The following RETREG1 variants were observed in gnomAD, a reference collection of about 807,000 sequenced individuals.
The protein encoded by RETREG1 is family with sequence similarity 134 member B.
RETREG1 carries 44 observed loss-of-function variants against 54.8 expected under a neutral mutation model. The observed-to-expected ratio is 0.80, with a 90% confidence interval of 0.63 to 1.03. The LOEUF (loss-of-function observed/expected upper bound fraction) is 1.03. Ranked by LOEUF, RETREG1 falls within the 50% of genes least tolerant of loss-of-function variation. RETREG1 has a pLI of 0.00. For synonymous variants in RETREG1, 217 were observed against 238.5 expected (o/e 0.91, Z 0.83); for missense variants, 554 against 605.1 (o/e 0.92, Z 0.89).
chr5:16,519,135 C>T (rs1740449896), intron 3 of RETREG1, among the ~76,000 whole-genome samples: 1 of 152,116 alleles, frequency 6.6e-6, no homozygotes, highest in Non-Finnish European at 1.5e-5. Context: ...GACAATCTGA[C>T]GAATGATGAC....
chr5:16,615,344 G>A (rs1182098008), intron 1 of RETREG1, among the ~76,000 whole-genome samples: 3 of 146,160 alleles, frequency 2.1e-5, no homozygotes, highest in African/African-American at 5.1e-5. Flanking sequence ...AGCTTGCAGC[G>A]AGCCGAGATC....
At chr5:16,577,413 C>T (rs1046189212) in intron 1 of RETREG1, among the ~76,000 whole-genome samples, 2 of 151,730 alleles carry the variant, frequency 1.3e-5, no homozygotes, top group African/African-American at 2.4e-5. Context: ...ACAGACAATC[C>T]CTGTCTAGTG....
intron 3 of RETREG1, among the ~76,000 whole-genome samples, chr5:16,486,124 TA>T (rs1290841990): frequency 2.6e-5 from 4 of 152,242 alleles, no homozygotes; most frequent in African/African-American, 9.6e-5. Flanking sequence ...TGAATTGTTA[TA>T]ATCACAAACA....
chr5:16,567,201 G>C (rs763355368), intron 2 of RETREG1, among the ~76,000 whole-genome samples: 1 of 152,186 alleles, frequency 6.6e-6, no homozygotes, highest in Non-Finnish European at 1.5e-5. Flanking sequence ...AGTACAAGTG[G>C]CAAGAGACTT....
intron 1 of RETREG1, among the ~76,000 whole-genome samples, chr5:16,599,539 T>C (rs146079949): frequency 1.6e-4 from 24 of 152,240 alleles, no homozygotes; most frequent in Non-Finnish European, 3.1e-4. Context: ...CCCAAAAGTA[T>C]GGGAATCATG....
intron 1 of RETREG1, among the ~76,000 whole-genome samples, chr5:16,583,353 C>T (rs937314816): frequency 3.9e-4 from 59 of 150,848 alleles, no homozygotes; most frequent in African/African-American, 1.4e-3. Context: ...AGTATCAGGG[C>T]GTGGTGGCAT....
Position 16,553,940 on chromosome 5 carries a change from G to T in RETREG1, c.458+11823C>A, listed in dbSNP as rs74431245. Among the ~76,000 whole-genome samples the T allele has an allele frequency of 4.9e-3, 741 of 152,260 alleles. 6 individuals are homozygous for T. The highest frequency in any genetic ancestry group is 0.016 in the African/African-American group (685 of 41,532). ...ATATTCTCTCAGATTCCCTCTTGTT[G>T]TCCAAAGACTACAGTTCGGACCATG... On this transcript the variant is annotated intron_variant, in intron 3 of 8. Transcript: ENST00000306320.
At chr5:16,612,064 C>A (rs78596863) in intron 1 of RETREG1, among the ~76,000 whole-genome samples, 563 of 120,024 alleles carry the variant, frequency 4.7e-3, no homozygotes, top group Middle Eastern at 4.9e-3. Context: ...GACTCCGTCT[C>A]AAAAAAAAAA....
At chr5:16,485,378 T>A (rs1738974407) in intron 3 of RETREG1, among the ~76,000 whole-genome samples, 2 of 152,178 alleles carry the variant, frequency 1.3e-5, no homozygotes, top group African/African-American at 4.8e-5. Flanking sequence ...ATGGAATAAA[T>A]GAACAGTTCA....
intron 3 of RETREG1, among the ~76,000 whole-genome samples, chr5:16,505,723 C>T (rs1394824185): frequency 6.6e-6 from 1 of 152,178 alleles, no homozygotes; most frequent in Non-Finnish European, 1.5e-5. Context: ...CCCTCCCAGG[C>T]CCCGGCTCCA....
At chr5:16,565,733 T>TA in intron 3 of RETREG1, 30 bp downstream of exon 3, 1 of 1,613,716 alleles carries the variant, frequency 6.2e-7, no homozygotes, top group South Asian at 1.1e-5. Flanking sequence ...CTCCCTCCAT[T>TA]AAGCACAACA....
At chr5:16,528,394 C>A (rs1297215163) in intron 3 of RETREG1, among the ~76,000 whole-genome samples, 2 of 152,234 alleles carry the variant, frequency 1.3e-5, no homozygotes, top group African/African-American at 2.4e-5. Flanking sequence ...TATTGACAAG[C>A]TTTACCTGGA....
chr5:16,603,996 G>A (rs914983204), intron 1 of RETREG1, among the ~76,000 whole-genome samples: 2 of 152,178 alleles, frequency 1.3e-5, no homozygotes, highest in African/African-American at 4.8e-5. Context: ...AGGTGGTGGG[G>A]TGGAATCCTC....
At chr5:16,557,333 A>T (rs1453003897) in intron 3 of RETREG1, among the ~76,000 whole-genome samples, 1 of 152,190 alleles carries the variant, frequency 6.6e-6, no homozygotes, top group African/African-American at 2.4e-5. Context: ...TACACCACTG[A>T]TGGTAAGAAA....
chr5:16,544,052 T>G (rs1324202412), intron 3 of RETREG1, among the ~76,000 whole-genome samples: 1 of 146,374 alleles, frequency 6.8e-6, no homozygotes, highest in Non-Finnish European at 1.5e-5. Flanking sequence ...CTTGGCTCAC[T>G]GCAACCTCCG....
intron 3 of RETREG1, among the ~76,000 whole-genome samples, chr5:16,496,501 C>T (rs1347785654): frequency 6.6e-6 from 1 of 152,208 alleles, no homozygotes; most frequent in African/African-American, 2.4e-5. Flanking sequence ...TGTGCAACTT[C>T]CATTCACCTC....
chr5:16,575,289 G>A (rs569364302), intron 1 of RETREG1, among the ~76,000 whole-genome samples: 4 of 152,106 alleles, frequency 2.6e-5, no homozygotes, highest in South Asian at 2.1e-4. Flanking sequence ...GCTGTAATGC[G>A]CAGCTCGGCT....
intron 1 of RETREG1, among the ~76,000 whole-genome samples, chr5:16,592,288 G>C (rs1742796006): frequency 1.3e-5 from 2 of 152,118 alleles, no homozygotes; most frequent in Admixed American, 1.3e-4. Flanking sequence ...CAGTCAAGAA[G>C]CGTATGAAAA....
chr5:16,480,731 T>G (rs931792106), intron 5 of RETREG1, among the ~76,000 whole-genome samples: 1 of 152,218 alleles, frequency 6.6e-6, no homozygotes, highest in Non-Finnish European at 1.5e-5. Context: ...GGTGTGTTTT[T>G]GGGAGGTGGG....
Sources: allele counts gnomAD v4.1 joint callset (sites outside exome capture counted in the v4.1 genomes callset), GRCh38; gene constraint gnomAD v4.1.1; transcripts MANE v1.5; gene names NCBI Gene and HGNC (gene_info 2026-07-23, HGNC 2026-07-21).